Variants in DYM observed in about 807,000 individuals in gnomAD.
DYM encodes the protein dyggve-Melchior-Clausen syndrome protein.
A neutral mutation model predicts 93.1 loss-of-function variants in DYM; 78 were observed. The observed-to-expected ratio is 0.84, with a 90% CI of 0.70 to 1.01. The LOEUF (loss-of-function observed/expected upper bound fraction) is 1.01. DYM is among the 50% of genes least tolerant of loss of function. DYM has a pLI of 0.00. For synonymous variants in DYM, 321 were observed against 319.7 expected (o/e 1.00, Z -0.04); for missense variants, 789 against 845.0 (o/e 0.93, Z 0.82).
At chr18:49,324,965 T>C (rs573241330) in intron 8 of DYM, among the ~76,000 whole-genome samples, 1 of 152,204 alleles carries the variant, frequency 6.6e-6, no homozygotes, top group South Asian at 2.1e-4. Flanking sequence ...TGCTGAGCTA[T>C]GACTCTATCC....
In DYM at chr18:49,333,735, C is replaced by A; in HGVS notation, c.613G>T (p.Gly205Cys). Residue 205 changes from glycine to cysteine, a missense_variant, in exon 7 of 18, where the codon GGT becomes TGT. Physicochemically the swap from Gly to Cys is radical, Grantham distance 159. Coordinates refer to ENST00000675505, the MANE Select transcript of DYM (RefSeq NM_001353214.3). ...CTTAAAGTAGAAACATACCATGGAC[C>A]TCGCATCAAATACTTGTGGCTGATG... Reference protein sequence around the residue: ...QSISHKYLMRGPCLPYTSKLV... With the variant: ...QSISHKYLMRCPCLPYTSKLV... The A allele has an allele frequency of 6.2e-7, 1 of 1,613,796 alleles. No homozygotes were observed. The highest frequency in any genetic ancestry group is 8.5e-7 in the Non-Finnish European group (1 of 1,179,810).
At chr18:49,346,211 A>G (rs2064581285) in intron 6 of DYM, among the ~76,000 whole-genome samples, 1 of 152,220 alleles carries the variant, frequency 6.6e-6, no homozygotes, top group South Asian at 2.1e-4. Context: ...TAATGGCCAA[A>G]AAGTAAAAAT....
At chr18:49,260,451 G>A (rs1044003071) in intron 11 of DYM, among the ~76,000 whole-genome samples, 1 of 152,142 alleles carries the variant, frequency 6.6e-6, no homozygotes, top group African/African-American at 2.4e-5. Context: ...GAAAAGTGCA[G>A]ACGTCATAGC....
intron 13 of DYM, among the ~76,000 whole-genome samples, chr18:49,254,198 T>A (rs1213933723): frequency 6.6e-6 from 1 of 151,492 alleles, no homozygotes; most frequent in Non-Finnish European, 1.5e-5. Flanking sequence ...ACCCCCTCCA[T>A]AGCAATTTTT....
chr18:49,357,583 C>T (rs534760947), intron 6 of DYM, among the ~76,000 whole-genome samples: 1 of 152,280 alleles, frequency 6.6e-6, no homozygotes, highest in East Asian at 1.9e-4. Context: ...TATGCCTTAG[C>T]ACAATACTGT....
intron 8 of DYM, among the ~76,000 whole-genome samples, chr18:49,326,665 T>C (rs146349400): frequency 1.5e-3 from 230 of 152,276 alleles, no homozygotes; most frequent in African/African-American, 5.1e-3. Flanking sequence ...TCCTGCCTCA[T>C]GGGGCTTTTA....
intron 6 of DYM, among the ~76,000 whole-genome samples, chr18:49,340,628 T>G (rs1264583619): frequency 6.6e-6 from 1 of 152,106 alleles, no homozygotes; most frequent in Non-Finnish European, 1.5e-5. Flanking sequence ...GTCTGATGAG[T>G]CTAAAACCAG....
chr18:49,390,389 C>T (rs1254897054), intron 3 of DYM, among the ~76,000 whole-genome samples: 1 of 151,578 alleles, frequency 6.6e-6, no homozygotes, highest in Non-Finnish European at 1.5e-5. Flanking sequence ...ACAATGGCAC[C>T]AGTGCACTCC....
intron 13 of DYM, among the ~76,000 whole-genome samples, chr18:49,248,609 A>T (rs549673293): frequency 1.4e-4 from 21 of 152,278 alleles, no homozygotes; most frequent in Non-Finnish European, 2.8e-4. Flanking sequence ...CAATAATATG[A>T]GGTTGAAATA....
intron 17 of DYM, among the ~76,000 whole-genome samples, chr18:49,064,493 C>A (rs2076237068): frequency 2.0e-5 from 3 of 152,182 alleles, no homozygotes; most frequent in Admixed American, 6.5e-5. Flanking sequence ...GGGTCTATGA[C>A]TTCATACTCC....
chr18:49,344,449 T>C (rs1218278682), intron 6 of DYM, among the ~76,000 whole-genome samples: 1 of 152,058 alleles, frequency 6.6e-6, no homozygotes, highest in African/African-American at 2.4e-5. Flanking sequence ...AGATGTCACA[T>C]GTCAACACAC....
intron 15 of DYM, among the ~76,000 whole-genome samples, chr18:49,130,577 T>C (rs2144064154): frequency 6.6e-6 from 1 of 152,358 alleles, no homozygotes; most frequent in Middle Eastern, 3.4e-3. Flanking sequence ...AAAACAATTT[T>C]TTTTTTATAT....
At chr18:49,139,396 C>T (rs924018392) in intron 15 of DYM, among the ~76,000 whole-genome samples, 2 of 152,032 alleles carry the variant, frequency 1.3e-5, no homozygotes, top group Non-Finnish European at 2.9e-5. Flanking sequence ...TGACTTCTTA[C>T]TCTTAAAAAA....
chr18:49,090,545 G>A (rs1243295713), intron 17 of DYM, among the ~76,000 whole-genome samples: 1 of 152,164 alleles, frequency 6.6e-6, no homozygotes, highest in African/African-American at 2.4e-5. Context: ...GCTGGTGGAC[G>A]GTGTCAGGCA....
At chr18:49,328,761 A>G (rs1275027044) in intron 8 of DYM, among the ~76,000 whole-genome samples, 1 of 152,214 alleles carries the variant, frequency 6.6e-6, no homozygotes, top group Non-Finnish European at 1.5e-5. Context: ...TAGAATGGCA[A>G]TCATTGAAAA....
At chr18:49,415,968 G>A (rs2072941573) in intron 2 of DYM, among the ~76,000 whole-genome samples, 1 of 149,490 alleles carries the variant, frequency 6.7e-6, no homozygotes, top group Admixed American at 6.7e-5. Flanking sequence ...ACACAAAGAT[G>A]ACTATTACTA....
intron 5 of DYM, among the ~76,000 whole-genome samples, chr18:49,367,042 T>C (rs2066588656): frequency 6.6e-6 from 1 of 152,204 alleles, no homozygotes; most frequent in African/African-American, 2.4e-5. Context: ...AACCAATTCA[T>C]GTTTTACTGA....
chr18:49,432,828 G>T (rs1202477415), intron 1 of DYM, among the ~76,000 whole-genome samples: 1 of 151,870 alleles, frequency 6.6e-6, no homozygotes, highest in Non-Finnish European at 1.5e-5. Flanking sequence ...TGCCCAGGCT[G>T]GTCTCGAACT....
intron 10 of DYM, among the ~76,000 whole-genome samples, chr18:49,279,073 C>T (rs1217313816): frequency 6.6e-6 from 1 of 152,150 alleles, no homozygotes; most frequent in Non-Finnish European, 1.5e-5. Context: ...AGACACTATT[C>T]AGAGACACAA....
Sources: gnomAD v4.1 joint callset for allele counts (sites outside exome capture counted in the v4.1 genomes callset) on GRCh38, gnomAD v4.1.1 for gene constraint, MANE v1.5 for transcripts, NCBI Gene and HGNC (gene_info 2026-07-23, HGNC 2026-07-21) for gene names.